TNS2: variants seen among roughly 807,000 people sequenced by gnomAD.
TNS2 encodes the protein tensin-2.
Under a neutral mutation model 155.7 loss-of-function variants are expected in TNS2, and 77 were observed. That is an observed-to-expected ratio of 0.49 (90% CI 0.41 to 0.60). The LOEUF (loss-of-function observed/expected upper bound fraction) is 0.60. TNS2 is among the 20% of genes least tolerant of loss of function. The probability of loss-of-function intolerance (pLI) is 0.00; values close to 1 mark genes in which losing one functional copy is unlikely to be tolerated. For synonymous variants in TNS2, 726 were observed against 763.9 expected, an observed-to-expected ratio of 0.95 and a Z score of 0.82; for missense variants, 1,703 against 1,868.8, an observed-to-expected ratio of 0.91 and a Z score of 1.64.
At position 53,060,026 on chromosome 12, in the gene TNS2, T is replaced by G. The variant is rs145498347; in HGVS notation, c.2385T>G (p.Val795=). 1.9e-6 allele frequency: 3 copies of G among 1,613,528 alleles called. No individual in the cohort carries two copies. The Admixed American group carries it at 5.0e-5, about 27-fold the overall frequency. Residue 795 remains valine, a synonymous_variant, in exon 18 of 29, where the codon GTT becomes GTG. Transcript: ENST00000314250. The surrounding 1 kb of genome is among the most constrained non-coding windows in gnomAD (Gnocchi z 6.1). Reference sequence around the variant, plus strand: ...TGACATACAGCTATGGAGGAGCAGTTCCCAGTTACTGCCCAGCATATGGCC... The same window carrying G: ...TGACATACAGCTATGGAGGAGCAGTGCCCAGTTACTGCCCAGCATATGGCC... ...ALVTYSYGGA[V]PSYCPAYGRV...
chr12:53,047,677 C>G (rs552909161), upstream of TNS2, among the ~76,000 whole-genome samples: 1 of 152,134 alleles, frequency 6.6e-6, no homozygotes, highest in Non-Finnish European at 1.5e-5. Context: ...GCCCGGGACC[C>G]GGCAGCAGCT....
In TNS2 at chr12:53,050,389, C is replaced by T; in HGVS notation, c.75+129C>T. On this transcript the variant is annotated intron_variant, in intron 1 of 28. Transcript: ENST00000314250. The surrounding 1 kb of genome is among the most constrained non-coding windows in gnomAD (Gnocchi z 4.7). ...TCCTCAGCCTTCTTCCCTGGCCCAG[C>T]ATCCCCTCCGGAGTGGCCAGGGCTG... 1 of 1,139,260 alleles carries T rather than the reference C, an allele frequency of 8.8e-7. No homozygotes were observed. The allele number at this position is 1,139,260 out of a possible 1,614,324, so 70.6% of individuals were successfully genotyped here.
At chr12:53,052,339 G>A (rs1469351267) in intron 2 of TNS2, 116 bp from the exon 3 acceptor site, 7 of 1,343,146 alleles carry the variant, frequency 5.2e-6, no homozygotes, top group Non-Finnish European at 6.3e-6. Flanking sequence ...CCCAGTCCAG[G>A]TGGGATCTTG....
At chr12:53,052,087 A>G in intron 2 of TNS2, 124 bp downstream of exon 2, 1 of 829,854 alleles carries the variant, frequency 1.2e-6, no homozygotes, top group Non-Finnish European at 1.9e-6. Flanking sequence ...GCACAATGGC[A>G]GCTAAGAAGC....
intron 12 of TNS2, 23 bp from the exon 13 acceptor site, chr12:53,057,750 T>C: frequency 6.2e-7 from 1 of 1,614,130 alleles, no homozygotes. Flanking sequence ...ACCCCTCCTG[T>C]GCCTTCTCCT....
In TNS2 at chr12:53,058,793, G is replaced by A; in HGVS notation, c.1371G>A (p.Glu457=). The part of the protein sequence containing the change: ...TEPAVRWDSY[E]NFNQHHEDSV... The stretch of plus-strand genomic sequence containing the variant: ...CAGCCGTGCGCTGGGACTCCTATGA[G>A]AACTTCAACCAGCACCACGAGGACA... The change falls in exon 17 of 29, where the codon GAG becomes GAA. Residue 457 remains glutamate, a synonymous_variant. Transcript: ENST00000314250. 1 of 1,613,860 alleles carries A rather than the reference G, an allele frequency of 6.2e-7. No individual in the cohort carries two copies. Among genetic ancestry groups the A allele is most frequent in the Middle Eastern group, 1.6e-4 (1 of 6,062 alleles).
At position 53,057,671 on chromosome 12, in the gene TNS2, C is replaced by T. The variant is rs1188088588; in HGVS notation, c.950C>T (p.Pro317Leu). 6.2e-7 allele frequency: 1 copy of T among 1,614,158 alleles called. No homozygotes were observed. Among genetic ancestry groups the T allele is most frequent in the Non-Finnish European group, 8.5e-7 (1 of 1,179,990 alleles). The change falls in exon 12 of 29, where the codon CCT (proline) becomes CTT (leucine). Residue 317 changes from proline (P) to leucine (L), a missense_variant. Pro to Leu is a moderately conservative substitution (Grantham distance 98). Coordinates refer to ENST00000314250, the MANE Select transcript of TNS2 (RefSeq NM_170754.4). ...VLIPMLPAFEPGTGFQPFLKI... is the reference protein window; with the variant it reads ...VLIPMLPAFELGTGFQPFLKI... ...ATCCCCATGCTGCCAGCCTTTGAAC[C>T]TGGCACAGGTGAGTCTGCCTGAGAT...
At chr12:53,055,531 G>C in intron 8 of TNS2, 37 bp from the exon 9 acceptor site, 1 of 1,565,900 alleles carries the variant, frequency 6.4e-7, no homozygotes, top group Non-Finnish European at 8.7e-7. Context: ...TCTGTTGGTG[G>C]CCCCCGGCCC....
At chr12:53,054,043 G>A in intron 6 of TNS2, 29 bp downstream of exon 6, 1 of 1,613,816 alleles carries the variant, frequency 6.2e-7, no homozygotes, top group Non-Finnish European at 8.5e-7. Flanking sequence ...GTGGTCCCAC[G>A]TGACCCCCTT....
chr12:53,061,645 C>A, intron 21 of TNS2, 170 bp from the exon 22 acceptor site: 1 of 1,366,970 alleles, frequency 7.3e-7, no homozygotes, highest in Non-Finnish European at 1.0e-6. Flanking sequence ...TGAGATCCAA[C>A]ATGGTCAAAA....
At chr12:53,057,420 A>T in intron 11 of TNS2, 147 bp from the exon 12 acceptor site, 1 of 727,300 alleles carries the variant, frequency 1.4e-6, no homozygotes, top group South Asian at 1.7e-5. Flanking sequence ...TTGAGGTTAG[A>T]TGCAAGGAAG....
At chr12:53,055,132 C>A in intron 7 of TNS2, 54 bp from the exon 8 acceptor site, 4 of 1,587,118 alleles carry the variant, frequency 2.5e-6, no homozygotes, top group Non-Finnish European at 3.5e-6. Context: ...ACCTCCACCT[C>A]GTGCCTCATT....
upstream of TNS2, among the ~76,000 whole-genome samples, chr12:53,047,755 G>A (rs535389503): frequency 2.0e-5 from 3 of 152,296 alleles, no homozygotes; most frequent in South Asian, 6.2e-4. Flanking sequence ...CTTCACATGT[G>A]GGACAGAGGC....
rs569767992 is a variant in TNS2 at position 53,053,604 on chromosome 12, C to T, written c.261+155C>T. 1.1e-5 allele frequency: 15 copies of T among 1,348,258 alleles called. No homozygotes were observed. The African/African-American group carries it at 2.2e-4, about 20-fold the overall frequency. The allele number at this position is 1,348,258 out of a possible 1,614,324, so 83.5% of individuals were successfully genotyped here. ...GAGGAAAGAAAAAACTGTCTGAGTC[C>T]TCTGCTGATCTTGTGCCCTTGGGCC... is the stretch of plus-strand genomic sequence containing the variant. On this transcript the variant is annotated intron_variant, in intron 4 of 28. Transcript: ENST00000314250.
chr12:53,050,782 CCAGAAGAGT>C lies in TNS2; in HGVS notation c.75+523_75+531del, dbSNP rs1943902905. Among the ~76,000 whole-genome samples the C allele has an allele frequency of 1.3e-5, 2 of 152,176 alleles. No individual in the cohort carries two copies. Among genetic ancestry groups the C allele is most frequent in the Non-Finnish European group, 2.9e-5 (2 of 68,032 alleles). ...GTGGGTCCCACAAAGTTGATCCAGC[CCAGAAGAGT>C]TGCAGGGACAGTCAAGAAACCAGAG... On this transcript the variant is annotated intron_variant, in intron 1 of 28. Coordinates refer to ENST00000314250, the MANE Select transcript of TNS2 (RefSeq NM_170754.4). The surrounding 1 kb of genome is among the most constrained non-coding windows in gnomAD (Gnocchi z 4.7).
rs114897395 is a variant in TNS2, at chr12:53,062,022, G to A, written c.3574+82G>A. 70 of 1,611,304 alleles carry A rather than the reference G, an allele frequency of 4.3e-5. No homozygotes were observed. In the African/African-American group the frequency reaches 8.5e-4, roughly 20 times the overall value. ...GCAAGGTAACAGGGCAGGTGGGGGT[G>A]CTGTGCTGGCCATGCCGCTGTAGAG... On this transcript the variant is annotated intron_variant, in intron 22 of 28. Coordinates refer to ENST00000314250, the MANE Select transcript of TNS2 (RefSeq NM_170754.4).
rs765217818 is a variant in TNS2 at position 53,061,146 on chromosome 12, C to T, written c.3240C>T (p.Pro1080=). The T allele has an allele frequency of 1.6e-5, 26 of 1,608,680 alleles. No individual in the cohort carries two copies. Among genetic ancestry groups the T allele is most frequent in the Middle Eastern group, 1.7e-4 (1 of 6,050 alleles). ...CACTTCCTGAGAAACGCCACCTGCC[C>T]GGGCCGGGGCAACAGCCAGGACCCT... is the stretch of plus-strand genomic sequence containing the variant. ...QPPLPEKRHL[P]GPGQQPGPWG... The change falls in exon 20 of 29, where the codon CCC becomes CCT. Residue 1080 remains proline, a synonymous_variant. Coordinates refer to ENST00000314250, the MANE Select transcript of TNS2 (RefSeq NM_170754.4).
At position 53,061,219 on chromosome 12, in the gene TNS2, G is replaced by A. The variant is rs1944373875; in HGVS notation, c.3313G>A (p.Val1105Ile). ...GCCAGCCAGAGGCATCAGTCACCAT[G>A]TCACCTTCGCACCTCTGCTCTCAGA... ...SSPARGISHHVTFAPLLSDNV... is the reference protein window; with the variant it reads ...SSPARGISHHITFAPLLSDNV... Residue 1105 changes from valine to isoleucine, a missense_variant, in exon 20 of 29, where the codon GTC (valine) becomes ATC (isoleucine). By Grantham distance (29) the Val-to-Ile change is conservative. Transcript: ENST00000314250. 1 of 1,574,004 alleles carries A rather than the reference G, an allele frequency of 6.4e-7. No homozygotes were observed. The highest frequency in any genetic ancestry group is 8.6e-7 in the Non-Finnish European group (1 of 1,159,686).
upstream of TNS2, chr12:53,049,183 C>A (rs1240436006): frequency 6.3e-7 from 1 of 1,592,912 alleles, no homozygotes; most frequent in African/African-American, 1.4e-5. Flanking sequence ...GGGGGACCTC[C>A]TGTCCAGTCC....
Sources: allele counts gnomAD v4.1 joint callset (sites outside exome capture counted in the v4.1 genomes callset), GRCh38; gene constraint gnomAD v4.1.1; non-coding constraint Gnocchi (gnomAD v3.1); transcripts MANE v1.5; gene names NCBI Gene and HGNC (gene_info 2026-07-23, HGNC 2026-07-21).